RANBP17: variants seen among roughly 807,000 people sequenced by gnomAD.
RANBP17 encodes the protein RAN binding protein 17.
Under a neutral mutation model 141.2 loss-of-function variants are expected in RANBP17, and 158 were observed. The ratio of observed to expected loss-of-function variants is 1.12; its 90% CI spans 0.98 to 1.28. RANBP17 has a LOEUF of 1.28. Among genes scored for constraint, RANBP17 ranks in the 50% most tolerant of loss-of-function variants. The probability of loss-of-function intolerance (pLI) is 0.00; values close to 1 mark genes in which losing one functional copy is unlikely to be tolerated. For synonymous variants in RANBP17, 430 were observed against 450.0 expected (o/e 0.96, Z 0.56); for missense variants, 1,438 against 1,290.7 (o/e 1.11, Z -1.75).
At chr5:170,931,141 T>G (rs531150092) in intron 12 of RANBP17, among the ~76,000 whole-genome samples, 1 of 152,348 alleles carries the variant, frequency 6.6e-6, no homozygotes, top group East Asian at 1.9e-4. Context: ...TGGTTTTGAT[T>G]TGCATTTCTC....
chr5:171,127,834 T>G (rs1277832913), intron 14 of RANBP17, among the ~76,000 whole-genome samples: 1 of 152,156 alleles, frequency 6.6e-6, no homozygotes, highest in East Asian at 1.9e-4. Context: ...ACCATGTGAT[T>G]CAGCAATCTC....
intron 1 of RANBP17, among the ~76,000 whole-genome samples, chr5:170,871,831 A>G (rs1191228647): frequency 2.0e-5 from 3 of 152,026 alleles, no homozygotes; most frequent in Non-Finnish European, 4.4e-5. Context: ...ATGGTTGTAG[A>G]TGTGTGGTCT....
intron 24 of RANBP17, among the ~76,000 whole-genome samples, chr5:171,245,858 T>G (rs1765179250): frequency 6.6e-6 from 1 of 151,918 alleles, no homozygotes; most frequent in African/African-American, 2.4e-5. Context: ...TTACCCAGCC[T>G]TGGGAGTTTC....
At chr5:171,218,573 C>T (rs144734306) in intron 21 of RANBP17, among the ~76,000 whole-genome samples, 14 of 152,080 alleles carry the variant, frequency 9.2e-5, no homozygotes, top group Middle Eastern at 3.4e-3. Flanking sequence ...TCTAGGTGCT[C>T]CTGTATTGGG....
At chr5:170,923,819 G>T (rs1451949137) in intron 11 of RANBP17, among the ~76,000 whole-genome samples, 1 of 151,824 alleles carries the variant, frequency 6.6e-6, no homozygotes, top group African/African-American at 2.4e-5. Context: ...ACTAATACAG[G>T]TCATTTTGTA....
At position 170,887,582 on chromosome 5, in the gene RANBP17, C is replaced by T. The variant is rs28793571; in HGVS notation, c.257-4805C>T. Among the ~76,000 whole-genome samples, 606 of 152,294 alleles carry T rather than the reference C, an allele frequency of 4.0e-3. 3 individuals are homozygous for T. The highest frequency in any genetic ancestry group is 0.014 in the African/African-American group (570 of 41,556). ...AAAAGATTCATAACATATTTTGTTA[C>T]TCCCTTTGCTCCTTTGTCAGAGATC... On this transcript the variant is annotated intron_variant, in intron 3 of 27. Coordinates refer to ENST00000523189, the MANE Select transcript of RANBP17 (RefSeq NM_022897.5).
At chr5:171,098,555 A>G (rs1786877943) in intron 14 of RANBP17, among the ~76,000 whole-genome samples, 1 of 152,162 alleles carries the variant, frequency 6.6e-6, no homozygotes, top group East Asian at 1.9e-4. Flanking sequence ...TCAGATGGAT[A>G]GATTGCAAAA....
chr5:171,297,157 C>T (rs1472010413), intron 27 of RANBP17, among the ~76,000 whole-genome samples: 4 of 152,190 alleles, frequency 2.6e-5, no homozygotes, highest in African/African-American at 9.6e-5. Context: ...GCTGGTATCT[C>T]AGTTGCCAAT....
intron 14 of RANBP17, among the ~76,000 whole-genome samples, chr5:170,994,103 C>T (rs1170289376): frequency 1.3e-5 from 2 of 151,920 alleles, no homozygotes; most frequent in East Asian, 3.9e-4. Context: ...GAAATGCTAT[C>T]TAGACCAGGC....
Position 170,996,465 on chromosome 5 carries a change from T to G in RANBP17, c.1710+28088T>G, listed in dbSNP as rs145780964. Among the ~76,000 whole-genome samples the G allele has an allele frequency of 3.0e-3, 451 of 152,318 alleles. 2 individuals are homozygous for G. Among genetic ancestry groups the G allele is most frequent in the African/African-American group, 0.01 (428 of 41,580 alleles). ...ATTGGGATTTGTTTTATCCGTACTG[T>G]GTAAAATAGCTTTTCAGCCACTATA... is the stretch of plus-strand genomic sequence containing the variant. On this transcript the variant is annotated intron_variant, in intron 14 of 27. Coordinates refer to ENST00000523189, the MANE Select transcript of RANBP17 (RefSeq NM_022897.5).
intron 25 of RANBP17, among the ~76,000 whole-genome samples, chr5:171,274,970 AC>A (rs1472518571): frequency 6.6e-6 from 1 of 151,752 alleles, no homozygotes; most frequent in Non-Finnish European, 1.5e-5. Flanking sequence ...ACAGAGAGGA[AC>A]CCCCTTCCCA....
chr5:170,936,898 T>C (rs1773923062), intron 12 of RANBP17, among the ~76,000 whole-genome samples: 1 of 152,232 alleles, frequency 6.6e-6, no homozygotes, highest in South Asian at 2.1e-4. Context: ...TATGTCTTCC[T>C]TATTGACCTT....
chr5:171,280,583 G>A (rs774773141), intron 25 of RANBP17, among the ~76,000 whole-genome samples: 91 of 152,288 alleles, frequency 6.0e-4, no homozygotes, highest in South Asian at 1.0e-3. Flanking sequence ...CTTAACTCAT[G>A]GAAAGTTTAA....
intron 14 of RANBP17, among the ~76,000 whole-genome samples, chr5:171,097,297 G>C (rs1339712200): frequency 6.6e-6 from 1 of 152,056 alleles, no homozygotes; most frequent in South Asian, 2.1e-4. Context: ...AGGAGAAGTT[G>C]GAAAGCAAAT....
intron 14 of RANBP17, among the ~76,000 whole-genome samples, chr5:171,107,102 A>G (rs1050650262): frequency 1.3e-5 from 2 of 152,100 alleles, no homozygotes; most frequent in African/African-American, 4.8e-5. Flanking sequence ...CTTTTATTTT[A>G]TAAGATAGAC....
At chr5:171,289,996 C>T (rs1379908361) in intron 25 of RANBP17, among the ~76,000 whole-genome samples, 2 of 151,176 alleles carry the variant, frequency 1.3e-5, no homozygotes, top group African/African-American at 4.8e-5. Context: ...TACCACTGCA[C>T]TCTAGCCTTG....
At chr5:171,141,747 T>G (rs954834640) in intron 14 of RANBP17, among the ~76,000 whole-genome samples, 4 of 152,146 alleles carry the variant, frequency 2.6e-5, no homozygotes, top group Non-Finnish European at 5.9e-5. Context: ...GGAGTGTCTA[T>G]TCTGACTTTT....
At chr5:171,273,058 C>A (rs997384808) in intron 25 of RANBP17, among the ~76,000 whole-genome samples, 1 of 152,180 alleles carries the variant, frequency 6.6e-6, no homozygotes, top group Non-Finnish European at 1.5e-5. Context: ...TTCTTTAATG[C>A]CTCCGAGGTA....
Position 171,214,254 on chromosome 5 carries a change from G to A in RANBP17, c.2339+516G>A, listed in dbSNP as rs182649502. On this transcript the variant is annotated intron_variant, in intron 21 of 27. Coordinates refer to ENST00000523189, the MANE Select transcript of RANBP17 (RefSeq NM_022897.5). The stretch of plus-strand genomic sequence containing the variant: ...CTTTATGCCAAGATGCATGTATTTG[G>A]ATGATTTATACACTCACAGTTTTCA... 3.0e-4 allele frequency among the ~76,000 whole-genome samples: 46 copies of A among 152,240 alleles called. 1 individual carries two copies. Among genetic ancestry groups the A allele is most frequent in the Admixed American group, 9.8e-4 (15 of 15,282 alleles).
Sources: gnomAD v4.1 joint callset for allele counts (sites outside exome capture counted in the v4.1 genomes callset) on GRCh38, gnomAD v4.1.1 for gene constraint, MANE v1.5 for transcripts, NCBI Gene and HGNC (gene_info 2026-07-23, HGNC 2026-07-21) for gene names.